FAM107B: variants seen among roughly 807,000 people sequenced by gnomAD.
FAM107B encodes the protein protein FAM107B.
Under a neutral mutation model 31.5 loss-of-function variants are expected in FAM107B, and 21 were observed. The observed-to-expected ratio is 0.67, with a 90% confidence interval of 0.47 to 0.96. The LOEUF is 0.96. FAM107B is among the 40% of genes least tolerant of loss of function. The pLI, the probability that FAM107B is intolerant of heterozygous loss-of-function variation, is 0.00. For missense variants in FAM107B, 452 were observed against 377.1 expected, an observed-to-expected ratio of 1.20 and a Z score of -1.64; for synonymous variants, 157 against 141.5, an observed-to-expected ratio of 1.11 and a Z score of -0.78.
chr10:14,648,095 A>G (rs36025028), intron 2 of FAM107B, among the ~76,000 whole-genome samples: 57,037 of 152,064 alleles, frequency 0.38, 12,139 homozygotes, highest in Non-Finnish European at 0.47. Flanking sequence ...TACTAATTCA[A>G]TTAAAATGAT....
At chr10:14,632,483 C>T (rs1452477741) in intron 2 of FAM107B, among the ~76,000 whole-genome samples, 3 of 150,858 alleles carry the variant, frequency 2.0e-5, no homozygotes, top group East Asian at 2.0e-4. Context: ...TGGTGGCGGG[C>T]GCCTGTAGTC....
chr10:14,699,041 C>G (rs7911059), intron 1 of FAM107B, among the ~76,000 whole-genome samples: 29 of 150,512 alleles, frequency 1.9e-4, no homozygotes, highest in African/African-American at 6.8e-4. Flanking sequence ...GGGTACCCTG[C>G]GAGCAGGCAG....
chr10:14,554,118 CTCAGA>C, intron 2 of FAM107B: 4 of 985,400 alleles, frequency 4.1e-6, no homozygotes, highest in Non-Finnish European at 4.8e-6. Flanking sequence ...TCACAGGCAT[CTCAGA>C]TAAGCTGGCC....
chr10:14,599,111 C>G (rs188810583), intron 2 of FAM107B, among the ~76,000 whole-genome samples: 5 of 152,358 alleles, frequency 3.3e-5, no homozygotes, highest in African/African-American at 1.2e-4. Context: ...CCTCTAACCT[C>G]ATGCACCTAA....
At chr10:14,671,885 C>CAAAAAAAAA (rs1277490948) in intron 1 of FAM107B, among the ~76,000 whole-genome samples, 1 of 38,744 alleles carries the variant, frequency 2.6e-5, no homozygotes, top group Non-Finnish European at 7.9e-5. Flanking sequence ...AAAAAAAAAA[C>CAAAAAAAAA]AAAAAAACAA....
At chr10:14,580,446 GTAT>G (rs1851600197) in intron 2 of FAM107B, among the ~76,000 whole-genome samples, 1 of 152,048 alleles carries the variant, frequency 6.6e-6, no homozygotes, top group South Asian at 2.1e-4. Context: ...CCAGATCTCT[GTAT>G]TAAGTGTGGT....
Position 14,557,727 on chromosome 10 carries a change from C to T in FAM107B, c.470-27212G>A, listed in dbSNP as rs1421512197. Among the ~76,000 whole-genome samples the T allele has an allele frequency of 2.0e-5, 3 of 152,184 alleles. 1 individual carries two copies. The highest frequency in any genetic ancestry group is 4.8e-5 in the African/African-American group (2 of 41,434). Reference sequence around the variant, plus strand: ...CATCTCAACCTTCACAACAGTTCTGCGAGGGAGGTATTATTATCCTTATTG... The same window carrying T: ...CATCTCAACCTTCACAACAGTTCTGTGAGGGAGGTATTATTATCCTTATTG... On this transcript the variant is annotated intron_variant, in intron 2 of 4. Coordinates refer to ENST00000181796, the MANE Select transcript of FAM107B (RefSeq NM_031453.4).
intron 2 of FAM107B, among the ~76,000 whole-genome samples, chr10:14,665,743 G>GT (rs1368193509): frequency 6.6e-6 from 1 of 152,160 alleles, no homozygotes; most frequent in East Asian, 1.9e-4. Flanking sequence ...TTCATTACAA[G>GT]TATCATCAAC....
Position 14,521,800 on chromosome 10 carries a change from CCGCTCCAA to C in FAM107B, c.804+61_804+68del, listed in dbSNP as rs1425023071. On this transcript the variant is annotated intron_variant, in intron 4 of 4. Transcript: ENST00000181796. ...CACTGGCACGTCTGGTAAATCCTGC[CCGCTCCAA>C]CACTCCAACATTCTTCAAGACAAAA... The C allele has an allele frequency of 1.9e-6, 3 of 1,570,504 alleles. No individual in the cohort carries two copies. In the African/African-American group the frequency reaches 4.1e-5, roughly 22 times the overall value.
chr10:14,526,174 T>C (rs1365978901), intron 3 of FAM107B, among the ~76,000 whole-genome samples: 1 of 152,212 alleles, frequency 6.6e-6, no homozygotes, highest in African/African-American at 2.4e-5. Flanking sequence ...AATTTAGCCC[T>C]TGTTCTTTTT....
chr10:14,771,755 G>A (rs970878858), intron 1 of FAM107B, among the ~76,000 whole-genome samples: 3 of 152,282 alleles, frequency 2.0e-5, no homozygotes, highest in South Asian at 2.1e-4. Flanking sequence ...GGTCTCAAGT[G>A]ATTCTCCCTC....
chr10:14,761,800 T>C (rs193129964), intron 1 of FAM107B, among the ~76,000 whole-genome samples: 1 of 152,156 alleles, frequency 6.6e-6, no homozygotes, highest in East Asian at 1.9e-4. Flanking sequence ...GGTTTCACCA[T>C]GTTGGCCAGG....
chr10:14,598,809 T>A (rs1003840526), intron 2 of FAM107B, among the ~76,000 whole-genome samples: 4 of 152,194 alleles, frequency 2.6e-5, no homozygotes, highest in African/African-American at 9.7e-5. Flanking sequence ...GGACCACATG[T>A]CCCCACCATG....
At chr10:14,680,789 T>G (rs1349260263) in intron 1 of FAM107B, among the ~76,000 whole-genome samples, 1 of 152,170 alleles carries the variant, frequency 6.6e-6, no homozygotes, top group African/African-American at 2.4e-5. Flanking sequence ...TCCAGACCTC[T>G]CTGTGAGGTT....
Position 14,638,933 on chromosome 10 carries a change from G to A in FAM107B, c.469+28701C>T, listed in dbSNP as rs564799004. On this transcript the variant is annotated intron_variant, in intron 2 of 4. Transcript: ENST00000181796. ...TGTCCAGGCACGGTGGCTCACACCT[G>A]TAATCTCAACACTTTGGGAGGCTGA... Among the ~76,000 whole-genome samples the A allele has an allele frequency of 8.5e-5, 13 of 152,246 alleles. No individual in the cohort carries two copies. In the East Asian group the frequency reaches 2.5e-3, roughly 29 times the overall value.
intron 1 of FAM107B, among the ~76,000 whole-genome samples, chr10:14,738,266 G>T (rs1856356322): frequency 6.6e-6 from 1 of 152,188 alleles, no homozygotes; most frequent in Admixed American, 6.5e-5. Flanking sequence ...ATAAGATGAA[G>T]CTCTCAGAAT....
intron 3 of FAM107B, among the ~76,000 whole-genome samples, chr10:14,525,747 T>C (rs573036228): frequency 1.2e-4 from 19 of 152,240 alleles, no homozygotes; most frequent in Non-Finnish European, 2.2e-4. Flanking sequence ...TGGACATTTA[T>C]AGCTGCACAC....
intron 2 of FAM107B, among the ~76,000 whole-genome samples, chr10:14,647,123 T>A (rs2131441369): frequency 6.6e-6 from 1 of 152,288 alleles, no homozygotes; most frequent in East Asian, 1.9e-4. Context: ...ATGGAGAACT[T>A]CCTAAGATGG....
At chr10:14,678,484 G>C (rs1294412600) in intron 1 of FAM107B, among the ~76,000 whole-genome samples, 1 of 152,086 alleles carries the variant, frequency 6.6e-6, no homozygotes, top group Non-Finnish European at 1.5e-5. Flanking sequence ...TAGGAAACGT[G>C]GGGGACACTG....
Sources: gnomAD v4.1 joint callset for allele counts (sites outside exome capture counted in the v4.1 genomes callset) on GRCh38, gnomAD v4.1.1 for gene constraint, MANE v1.5 for transcripts, NCBI Gene and HGNC (gene_info 2026-07-23, HGNC 2026-07-21) for gene names.